The following OSBPL1A variants were observed in gnomAD, a reference collection of about 807,000 sequenced individuals.
The protein encoded by OSBPL1A is oxysterol-binding protein-related protein 1.
In OSBPL1A, 80 loss-of-function variants were observed where a neutral mutation model predicts 137.1. The observed-to-expected ratio is 0.58, with a 90% CI of 0.49 to 0.70. The LOEUF (loss-of-function observed/expected upper bound fraction) is 0.70. OSBPL1A is among the 30% of genes least tolerant of loss of function. The pLI is 0.00. For missense variants in OSBPL1A, 970 were observed against 1,129.4 expected (o/e 0.86, Z 2.02); for synonymous variants, 365 against 389.7 (o/e 0.94, Z 0.75).
chr18:24,177,581 A>G (rs1362601260), intron 21 of OSBPL1A, among the ~76,000 whole-genome samples: 1 of 152,194 alleles, frequency 6.6e-6, no homozygotes, highest in Non-Finnish European at 1.5e-5. Context: ...TTAATTGTGG[A>G]TTTAAAGCTA....
intron 4 of OSBPL1A, among the ~76,000 whole-genome samples, chr18:24,361,748 C>T (rs757915891): frequency 6.6e-6 from 1 of 152,096 alleles, no homozygotes; most frequent in African/African-American, 2.4e-5. Context: ...TGCAGTGGCT[C>T]CCTCCTATAA....
intron 14 of OSBPL1A, among the ~76,000 whole-genome samples, chr18:24,297,811 T>C (rs1023272052): frequency 6.6e-6 from 1 of 152,238 alleles, no homozygotes; most frequent in South Asian, 2.1e-4. Flanking sequence ...CAGCCTATCA[T>C]GTGTTCTATC....
intron 15 of OSBPL1A, among the ~76,000 whole-genome samples, chr18:24,262,208 G>T (rs2089459854): frequency 6.6e-6 from 1 of 152,140 alleles, no homozygotes; most frequent in Non-Finnish European, 1.5e-5. Context: ...AACAATGTTT[G>T]CAAGGTCCTC....
At chr18:24,220,087 T>C (rs1291791042) in intron 17 of OSBPL1A, among the ~76,000 whole-genome samples, 1 of 152,212 alleles carries the variant, frequency 6.6e-6, no homozygotes, top group African/African-American at 2.4e-5. Flanking sequence ...CTTTTAGTCC[T>C]CTGCTTCAGC....
At chr18:24,280,653 G>A (rs1008640336) in intron 15 of OSBPL1A, among the ~76,000 whole-genome samples, 189 bp downstream of exon 15, 2 of 152,100 alleles carry the variant, frequency 1.3e-5, no homozygotes, top group African/African-American at 4.8e-5. Context: ...CAAAAGATAT[G>A]AACACAAGTT....
At chr18:24,212,091 G>A (rs1170428927) in intron 17 of OSBPL1A, among the ~76,000 whole-genome samples, 4 of 149,896 alleles carry the variant, frequency 2.7e-5, no homozygotes, top group African/African-American at 9.8e-5. Flanking sequence ...TTTTTTGAGA[G>A]ATAGTCTCGC....
chr18:24,238,894 T>C (rs771171538), intron 16 of OSBPL1A, among the ~76,000 whole-genome samples: 1 of 152,202 alleles, frequency 6.6e-6, no homozygotes, highest in Non-Finnish European at 1.5e-5. Context: ...CCTTACAATA[T>C]GTGCTAATGC....
In OSBPL1A at chr18:24,162,817, A is replaced by G. The variant is rs1188156771; in HGVS notation, c.*362T>C. 2 of 168,112 alleles carry G rather than the reference A, an allele frequency of 1.2e-5. No individual in the cohort carries two copies. The highest frequency in any genetic ancestry group is 1.2e-4 in the Admixed American group (2 of 16,200). 10.4% of individuals were successfully genotyped at this position (168,112 alleles called of 1,614,324 possible). ...AGCATGACAGCATAAAAATATTCAA[A>G]ATAACTTGATTTGGGATTACTATAT... On this transcript the variant is annotated 3_prime_UTR_variant, in exon 28 of 28. Transcript: ENST00000319481.
At chr18:24,332,367 CA>C (rs2146142005) in intron 7 of OSBPL1A, among the ~76,000 whole-genome samples, 1 of 111,874 alleles carries the variant, frequency 8.9e-6, no homozygotes, top group African/African-American at 3.7e-5. Flanking sequence ...GACTGGGCAA[CA>C]GAGAGAGACT....
At chr18:24,234,081 T>C (rs1474880237) in intron 16 of OSBPL1A, among the ~76,000 whole-genome samples, 6 of 152,158 alleles carry the variant, frequency 3.9e-5, no homozygotes, top group Non-Finnish European at 7.3e-5. Flanking sequence ...TTTGAGAGCC[T>C]TGGTGGACAA....
intron 15 of OSBPL1A, among the ~76,000 whole-genome samples, chr18:24,257,635 C>T (rs275855): frequency 1 from 151,827 of 152,300 alleles, 75,679 homozygotes; most frequent in Middle Eastern, 1. Flanking sequence ...AATGGAAACA[C>T]ATCAAGTTAA....
intron 7 of OSBPL1A, among the ~76,000 whole-genome samples, chr18:24,328,733 C>CA (rs1350048739): frequency 2.0e-5 from 3 of 152,144 alleles, no homozygotes; most frequent in Non-Finnish European, 4.4e-5. Flanking sequence ...CATACGGCTA[C>CA]ACAGTGCTTC....
chr18:24,276,503 G>A (rs1180353355), intron 15 of OSBPL1A, among the ~76,000 whole-genome samples: 2 of 152,070 alleles, frequency 1.3e-5, no homozygotes, highest in Non-Finnish European at 2.9e-5. Flanking sequence ...CCAATGGCCT[G>A]ATCTCGGCTC....
At chr18:24,289,185 C>T (rs118020452) in intron 14 of OSBPL1A, among the ~76,000 whole-genome samples, 1 of 152,256 alleles carries the variant, frequency 6.6e-6, no homozygotes, top group Non-Finnish European at 1.5e-5. Flanking sequence ...TCCTGCTCTA[C>T]ATCAATCCCC....
chr18:24,387,000 G>A (rs1044266299), intron 1 of OSBPL1A, among the ~76,000 whole-genome samples: 10 of 151,752 alleles, frequency 6.6e-5, no homozygotes, highest in Non-Finnish European at 1.3e-4. Context: ...ATTTCAAATA[G>A]ATATCTATTT....
At chr18:24,195,907 G>T (rs45473396) in intron 18 of OSBPL1A, 10 of 408,588 alleles carry the variant, frequency 2.4e-5, no homozygotes, top group Non-Finnish European at 3.1e-5. Context: ...GTTTCTGTTT[G>T]TTTTTTTTTT....
chr18:24,272,052 C>G, intron 15 of OSBPL1A: 2 of 982,652 alleles, frequency 2.0e-6, no homozygotes, highest in Non-Finnish European at 2.4e-6. Flanking sequence ...GCCGCTCCTC[C>G]CCTTCCCCAG....
intron 22 of OSBPL1A, among the ~76,000 whole-genome samples, chr18:24,171,849 T>G (rs1357107442): frequency 1.3e-5 from 2 of 152,198 alleles, no homozygotes; most frequent in Admixed American, 6.5e-5. Flanking sequence ...TAAGCTGGGT[T>G]CACCCAGTCT....
intron 4 of OSBPL1A, among the ~76,000 whole-genome samples, chr18:24,354,817 G>A (rs1285841556): frequency 2.8e-5 from 4 of 144,576 alleles, no homozygotes; most frequent in African/African-American, 1.0e-4. Context: ...GCTACCATTT[G>A]TCCATCTAAC....
Sources: allele counts gnomAD v4.1 joint callset (sites outside exome capture counted in the v4.1 genomes callset), GRCh38; gene constraint gnomAD v4.1.1; transcripts MANE v1.5; gene names NCBI Gene and HGNC (gene_info 2026-07-23, HGNC 2026-07-21).